THAP3: variants seen among roughly 807,000 people sequenced by gnomAD.
The protein encoded by THAP3 is THAP domain containing 3.
A neutral mutation model predicts 17.7 loss-of-function variants in THAP3; 12 were observed. The ratio of observed to expected loss-of-function variants is 0.68; its 90% confidence interval spans 0.43 to 1.10. The LOEUF is 1.10. Among genes scored for constraint, THAP3 ranks in the 50% least tolerant of loss-of-function variants. The pLI is 0.00. For missense variants in THAP3, 289 were observed against 318.0 expected (o/e 0.91, Z 0.69); for synonymous variants, 133 against 126.9 (o/e 1.05, Z -0.32).
chr1:6,627,426 G>A (rs1036770909), intron 2 of THAP3, among the ~76,000 whole-genome samples: 2 of 152,216 alleles, frequency 1.3e-5, no homozygotes, highest in African/African-American at 2.4e-5. Context: ...GTGCAGTGGC[G>A]CAGTCTCGGC....
In THAP3 at chr1:6,633,105, G is replaced by A. The variant is rs772481938; in HGVS notation, c.*28G>A. On this transcript the variant is annotated 3_prime_UTR_variant, in exon 6 of 6. Coordinates refer to ENST00000054650, the MANE Select transcript of THAP3 (RefSeq NM_001195753.2). Reference sequence around the variant, plus strand: ...CCCACAGGCTCCGGACGCAGAGGTGGCAGTGGCACCAGGGCCGGCAGAGCT... The same window carrying A: ...CCCACAGGCTCCGGACGCAGAGGTGACAGTGGCACCAGGGCCGGCAGAGCT... 7.6e-6 allele frequency: 12 copies of A among 1,572,010 alleles called. 1 individual carries two copies. The Middle Eastern group carries it at 8.8e-4, about 116-fold the overall frequency.
intron 4 of THAP3, among the ~76,000 whole-genome samples, chr1:6,630,696 G>A (rs1443797588): frequency 2.6e-5 from 4 of 151,824 alleles, no homozygotes; most frequent in South Asian, 2.1e-4. Context: ...TCAGCCTCCC[G>A]AGTAGCTGGG....
Position 6,632,446 on chromosome 1 carries a change from C to T in THAP3, c.389C>T (p.Ala130Val). The change falls in exon 5 of 6, where the codon GCA (alanine) becomes GTA (valine). Residue 130 changes from alanine (A) to valine (V), a missense_variant. By Grantham distance (64) the Ala-to-Val change is moderately conservative. Transcript: ENST00000054650. ...EDSPGRNMDT[A>V]LEELQLPPNA... ...AGTCCTGGGAGAAACATGGACACTG[C>T]ACTTGAAGAGCTTCAGTTGCCCCCA... 6.2e-7 allele frequency: 1 copy of T among 1,614,178 alleles called. No homozygotes were observed. The highest frequency in any genetic ancestry group is 1.1e-5 in the South Asian group (1 of 91,088).
downstream of THAP3, chr1:6,634,094 G>A (rs1451362649): frequency 6.2e-7 from 1 of 1,613,070 alleles, no homozygotes; most frequent in East Asian, 2.2e-5. Flanking sequence ...AGTGAAGGAT[G>A]GGGAGGAGGC....
At chr1:6,634,855 G>A (rs565761345), downstream of THAP3, 70 of 1,230,144 alleles carry the variant, frequency 5.7e-5, 1 homozygote, top group South Asian at 8.1e-4. Context: ...CTTGCCAAGC[G>A]CCTGGTCCTG....
chr1:6,632,469 C>G lies in THAP3; in HGVS notation c.412C>G (p.Pro138Ala). ...DTALEELQLP[P>A]NAEGHVKQVS... ...TGCACTTGAAGAGCTTCAGTTGCCCCCAAATGCCGAAGGCCACGTAAAACA... is the reference window on the plus strand; with the variant it reads ...TGCACTTGAAGAGCTTCAGTTGCCCGCAAATGCCGAAGGCCACGTAAAACA... Residue 138 changes from proline to alanine, a missense_variant, in exon 5 of 6, where the codon CCA (proline) becomes GCA (alanine). By Grantham distance (27) the Pro-to-Ala change is conservative (BLOSUM62 -1). Transcript: ENST00000054650. The G allele has an allele frequency of 6.2e-7, 1 of 1,614,150 alleles. No homozygotes were observed. Among genetic ancestry groups the G allele is most frequent in the Non-Finnish European group, 8.5e-7 (1 of 1,180,034 alleles).
Position 6,633,359 on chromosome 1 carries a change from C to G in THAP3, c.*282C>G. On this transcript the variant is annotated 3_prime_UTR_variant, in exon 6 of 6. Coordinates refer to ENST00000054650, the MANE Select transcript of THAP3 (RefSeq NM_001195753.2). ...GGCTGAGGCTGATTCTGGACGCTGT[C>G]CTTTCAGCACACGCAGAGCAAAGAT... The G allele has an allele frequency of 7.6e-7, 1 of 1,314,990 alleles. No homozygotes were observed. Among genetic ancestry groups the G allele is most frequent in the South Asian group, 1.7e-5 (1 of 59,654 alleles). The allele number at this position is 1,314,990 out of a possible 1,614,324, so 81.5% of individuals were successfully genotyped here.
In THAP3 at chr1:6,631,177, AAT is replaced by A. The variant is rs1491493690; in HGVS notation, c.333+825_333+826del. Reference sequence around the variant, plus strand: ...GTGCTACCATGCCCAGCTAATTAAAAATTTTTTTTTTTTTTTTTTTTAGAAAT... The same window carrying A: ...GTGCTACCATGCCCAGCTAATTAAAATTTTTTTTTTTTTTTTTTTAGAAAT... On this transcript the variant is annotated intron_variant, in intron 4 of 5. Coordinates refer to ENST00000054650, the MANE Select transcript of THAP3 (RefSeq NM_001195753.2). 7.7e-4 allele frequency among the ~76,000 whole-genome samples: 72 copies of A among 93,588 alleles called. 1 individual carries two copies. Among genetic ancestry groups the A allele is most frequent in the African/African-American group, 2.7e-3 (62 of 22,560 alleles). 61.4% of individuals were successfully genotyped at this position (93,588 alleles called of 152,430 possible). A position where few individuals can be genotyped will look rare whatever the true frequency, so the allele number is the denominator to read the frequency against.
chr1:6,632,646 C>T (rs756596349), intron 5 of THAP3, 150 bp from the exon 6 acceptor site: 7 of 1,436,026 alleles, frequency 4.9e-6, no homozygotes, highest in African/African-American at 4.2e-5. Flanking sequence ...AATTCTCCAC[C>T]ATGGTGTGGG....
intron 2 of THAP3, 71 bp downstream of exon 2, chr1:6,625,363 C>G: frequency 7.1e-7 from 1 of 1,405,716 alleles, no homozygotes; most frequent in Non-Finnish European, 9.3e-7. Flanking sequence ...GAGGCCTTGG[C>G]GCGCCGGGCG....
chr1:6,634,690 C>A (rs770912617), downstream of THAP3: 1 of 1,365,888 alleles, frequency 7.3e-7, no homozygotes, highest in African/African-American at 1.5e-5. Flanking sequence ...CAAGTGGGCA[C>A]GTGGAGGAAG....
intron 1 of THAP3, 56 bp from the exon 2 acceptor site, chr1:6,625,094 C>T: frequency 8.9e-7 from 1 of 1,122,230 alleles, no homozygotes; most frequent in South Asian, 1.5e-5. Context: ...ATGAGCGCGC[C>T]CTGGAGGCGA....
chr1:6,630,317 T>G lies in THAP3; in HGVS notation c.297T>G (p.Ser99Arg), dbSNP rs1641574479. Residue 99 changes from serine to arginine, a missense_variant, in exon 4 of 6, where the codon AGT becomes AGG. Transcript: ENST00000054650. ...QQVRENTDPA[S>R]ERGNASSSQK... ...TGAGGGAGAACACAGACCCTGCCAG[T>G]GAGAGAGGAAATGCCAGCTCTTCTC... is the stretch of plus-strand genomic sequence containing the variant. The G allele has an allele frequency of 1.2e-6, 2 of 1,614,064 alleles. No homozygotes were observed. The highest frequency in any genetic ancestry group is 4.5e-5 in the East Asian group (2 of 44,870).
chr1:6,629,047 C>G (rs1641538938), intron 3 of THAP3, among the ~76,000 whole-genome samples: 1 of 152,152 alleles, frequency 6.6e-6, no homozygotes, highest in Admixed American at 6.5e-5. Context: ...ACTAAAAATA[C>G]AAAAATCAGC....
intron 3 of THAP3, among the ~76,000 whole-genome samples, chr1:6,628,910 A>G (rs955454777): frequency 6.6e-6 from 1 of 152,220 alleles, no homozygotes; most frequent in African/African-American, 2.4e-5. Flanking sequence ...TTAAAAATGA[A>G]TTATTCTATG....
intron 1 of THAP3, 91 bp from the exon 2 acceptor site, chr1:6,625,059 A>G (rs1009513768): frequency 1.3e-6 from 1 of 767,294 alleles, no homozygotes; most frequent in African/African-American, 1.8e-5. Context: ...GACCCTGGGG[A>G]GACGCGGGTG....
intron 2 of THAP3, 130 bp from the exon 3 acceptor site, chr1:6,628,369 A>T: frequency 1.4e-6 from 1 of 728,968 alleles, no homozygotes; most frequent in Non-Finnish European, 2.1e-6. Context: ...GATGTGATTT[A>T]ATAAACCGAG....
intron 2 of THAP3, 186 bp from the exon 3 acceptor site, chr1:6,628,313 C>G (rs1297082669): frequency 1.7e-6 from 1 of 571,676 alleles, no homozygotes; most frequent in Admixed American, 3.4e-5. Context: ...CTCGGGTTTC[C>G]TATTAAGAGT....
rs1038599561 is a variant in THAP3 at position 6,633,128 on chromosome 1, G to A, written c.*51G>A. 2.5e-5 allele frequency: 38 copies of A among 1,542,796 alleles called. No individual in the cohort carries two copies. Among genetic ancestry groups the A allele is most frequent in the Non-Finnish European group, 3.1e-5 (35 of 1,145,092 alleles). ...TGGCAGTGGCACCAGGGCCGGCAGA[G>A]CTTTGGAGCTCTGGCTGTGGACATT... On this transcript the variant is annotated 3_prime_UTR_variant, in exon 6 of 6. Transcript: ENST00000054650.
Sources: gnomAD v4.1 joint callset for allele counts (sites outside exome capture counted in the v4.1 genomes callset) on GRCh38, gnomAD v4.1.1 for gene constraint, MANE v1.5 for transcripts, NCBI Gene and HGNC (gene_info 2026-07-23, HGNC 2026-07-21) for gene names.